The following MAP3K13 variants were observed in gnomAD, a reference collection of about 807,000 sequenced individuals.
MAP3K13 encodes the protein leucine zipper-bearing kinase.
In MAP3K13, 52 loss-of-function variants were observed where a neutral mutation model predicts 104.0. The ratio of observed to expected loss-of-function variants is 0.50; its 90% confidence interval spans 0.40 to 0.63. The LOEUF (loss-of-function observed/expected upper bound fraction) is 0.63. Among genes scored for constraint, MAP3K13 ranks in the 20% least tolerant of loss-of-function variants. The pLI is 0.00. For missense variants in MAP3K13, 914 were observed against 1,218.5 expected, an observed-to-expected ratio of 0.75 and a Z score of 3.72; for synonymous variants, 394 against 442.2, an observed-to-expected ratio of 0.89 and a Z score of 1.37.
Position 185,480,235 on chromosome 3 carries a change from C to T in MAP3K13, c.2505C>T (p.Pro835=), listed in dbSNP as rs1240723859. 1.2e-6 allele frequency: 2 copies of T among 1,613,678 alleles called. No homozygotes were observed. The highest frequency in any genetic ancestry group is 8.5e-7 in the Non-Finnish European group (1 of 1,179,830). ...TCCTGGTTCTTCTTGGTTCTAGGCC[C>T]CATCGCTGTATCAGCAGCTGCCAGT... ...SEVEFPRRQR[P]HRCISSCQSY... is the part of the protein sequence containing the mutation. The change falls in exon 13 of 14, where the codon CCC becomes CCT. Residue 835 remains proline (P), a synonymous_variant. Transcript: ENST00000265026.
chr3:185,424,953 C>T (rs1714330812), intron 1 of MAP3K13, among the ~76,000 whole-genome samples: 1 of 152,178 alleles, frequency 6.6e-6, no homozygotes, highest in African/African-American at 2.4e-5. Context: ...GCCTTCCACC[C>T]AAGTAGCTGA....
chr3:185,451,233 T>A, intron 6 of MAP3K13, 54 bp from the exon 7 acceptor site: 1 of 1,283,752 alleles, frequency 7.8e-7, no homozygotes, highest in East Asian at 2.3e-5. Flanking sequence ...AATAAAATCT[T>A]CATTCTCCTG....
At chr3:185,332,366 G>T (rs1328199317) in intron 2 of MAP3K13, among the ~76,000 whole-genome samples, 1 of 152,138 alleles carries the variant, frequency 6.6e-6, no homozygotes, top group Non-Finnish European at 1.5e-5. Flanking sequence ...TAAAATTTGT[G>T]TTGAAGTTTT....
chr3:185,402,027 G>A (rs913452979), intron 1 of MAP3K13, among the ~76,000 whole-genome samples: 5 of 152,166 alleles, frequency 3.3e-5, no homozygotes, highest in Admixed American at 1.3e-4. Flanking sequence ...AAGAGTTCCC[G>A]AAGGAGATGC....
chr3:185,454,895 AGAT>A (rs1716308131), intron 7 of MAP3K13, among the ~76,000 whole-genome samples: 2 of 95,690 alleles, frequency 2.1e-5, no homozygotes, highest in African/African-American at 4.4e-5. Context: ...TATATATATG[AGAT>A]ATATATATGA....
intron 7 of MAP3K13, among the ~76,000 whole-genome samples, chr3:185,452,895 G>C (rs1715973095): frequency 6.6e-6 from 1 of 152,176 alleles, no homozygotes; most frequent in Admixed American, 6.5e-5. Context: ...TCCTGCTAAT[G>C]TTCCATCGGC....
At chr3:185,316,111 G>A (rs1313219969) in intron 2 of MAP3K13, among the ~76,000 whole-genome samples, 7 of 151,932 alleles carry the variant, frequency 4.6e-5, no homozygotes, top group African/African-American at 1.2e-4. Flanking sequence ...TATTTTATTG[G>A]AATTTTTTGG....
chr3:185,378,172 G>A (rs1430556582), intron 1 of MAP3K13, among the ~76,000 whole-genome samples: 6 of 152,158 alleles, frequency 3.9e-5, no homozygotes, highest in Non-Finnish European at 7.3e-5. Context: ...CACCTTGAAG[G>A]CGAGGTTAAT....
Position 185,484,671 on chromosome 3 carries a change from T to C in MAP3K13, c.*2215T>C, listed in dbSNP as rs1351965049. The C allele has an allele frequency of 1.3e-5, 2 of 152,248 alleles. No individual in the cohort carries two copies. The highest frequency in any genetic ancestry group is 1.3e-4 in the Admixed American group (2 of 15,282). The allele number at this position is 152,248 out of a possible 1,614,324, so 9.4% of individuals were successfully genotyped here. On this transcript the variant is annotated 3_prime_UTR_variant, in exon 14 of 14. Coordinates refer to ENST00000265026, the MANE Select transcript of MAP3K13 (RefSeq NM_004721.5). ...ATAGCTCTTAGGATGAAGGAAAATG[T>C]TTAATTTATACAAAGAGCAGTATTG...
chr3:185,392,017 G>T (rs1388194710), intron 1 of MAP3K13, among the ~76,000 whole-genome samples: 1 of 152,122 alleles, frequency 6.6e-6, no homozygotes, highest in East Asian at 1.9e-4. Flanking sequence ...ACCATATAGA[G>T]AATTCGACTT....
At chr3:185,332,261 T>A (rs1329843250) in intron 2 of MAP3K13, among the ~76,000 whole-genome samples, 1 of 151,980 alleles carries the variant, frequency 6.6e-6, no homozygotes, top group Non-Finnish European at 1.5e-5. Context: ...GTTTCTCATA[T>A]CCTTGCCAAC....
intron 2 of MAP3K13, among the ~76,000 whole-genome samples, chr3:185,314,608 C>T (rs565133946): frequency 1.1e-4 from 17 of 151,498 alleles, no homozygotes; most frequent in African/African-American, 3.4e-4. Flanking sequence ...AGCAACTCCA[C>T]GTCTCAAAAA....
Position 185,418,007 on chromosome 3 carries a change from G to A in MAP3K13, c.-85-10490G>A, listed in dbSNP as rs541921516. The A allele has an allele frequency of 5.6e-6, 9 of 1,611,406 alleles. No homozygotes were observed. Among genetic ancestry groups the A allele is most frequent in the East Asian group, 4.5e-5 (2 of 44,872 alleles). ...GTGCCATACAATTCATCTAACTTCC[G>A]GAAAGCACTTTCAGTCCAAATGCAG... On this transcript the variant is annotated intron_variant, in intron 1 of 13. Transcript: ENST00000265026. The surrounding 1 kb of genome is among the most constrained non-coding windows in gnomAD (Gnocchi z 4.5).
chr3:185,324,808 TA>T (rs5855057), intron 2 of MAP3K13, among the ~76,000 whole-genome samples: 101,031 of 148,400 alleles, frequency 0.68, 35,346 homozygotes, highest in Non-Finnish European at 0.78. Context: ...CCGGCACAAT[TA>T]AAAAAAAAAA....
rs1174845226 is a variant in MAP3K13, at chr3:185,315,751, T to C, written c.-86+30108T>C. On this transcript the variant is annotated intron_variant, in intron 2 of 14. Transcript: ENST00000424227. The surrounding 1 kb of genome is among the most constrained non-coding windows in gnomAD (Gnocchi z 4.3). ...TGTAAAATGAGGATAACAGTGTATC[T>C]TTTAACTAGAAATATCTCACAGGGT... Among the ~76,000 whole-genome samples, 1 of 152,192 alleles carries C rather than the reference T, an allele frequency of 6.6e-6. No homozygotes were observed. Among genetic ancestry groups the C allele is most frequent in the East Asian group, 1.9e-4 (1 of 5,194 alleles).
intron 2 of MAP3K13, among the ~76,000 whole-genome samples, chr3:185,303,620 G>C (rs2108681221): frequency 6.6e-6 from 1 of 151,394 alleles, no homozygotes; most frequent in South Asian, 2.1e-4. Context: ...ATTATTCATA[G>C]TACTCTCTTA....
chr3:185,411,575 T>TA (rs1193900160), intron 1 of MAP3K13, among the ~76,000 whole-genome samples: 1 of 152,152 alleles, frequency 6.6e-6, no homozygotes, highest in Non-Finnish European at 1.5e-5. Flanking sequence ...ACAAGTACAA[T>TA]AATAAAACAA....
intron 2 of MAP3K13, among the ~76,000 whole-genome samples, chr3:185,327,375 T>G (rs957113760): frequency 2.0e-5 from 3 of 152,194 alleles, no homozygotes; most frequent in African/African-American, 7.2e-5. Flanking sequence ...GAAGGTAACA[T>G]ATTCACAGGT....
intron 2 of MAP3K13, among the ~76,000 whole-genome samples, chr3:185,299,317 A>G (rs1010998813): frequency 3.3e-5 from 5 of 152,206 alleles, no homozygotes; most frequent in African/African-American, 1.2e-4. Context: ...CTAAAACTGT[A>G]ATGAATTCTT....
Sources: gnomAD v4.1 joint callset for allele counts (sites outside exome capture counted in the v4.1 genomes callset) on GRCh38, gnomAD v4.1.1 for gene constraint, Gnocchi (gnomAD v3.1) non-coding constraint, MANE v1.5 for transcripts, NCBI Gene and HGNC (gene_info 2026-07-23, HGNC 2026-07-21) for gene names.